Variants in PMS1 observed in about 807,000 individuals in gnomAD.
The protein encoded by PMS1 is PMS1 protein homolog 1.
Under a neutral mutation model 93.1 loss-of-function variants are expected in PMS1, and 79 were observed. The observed-to-expected ratio is 0.85, with a 90% CI of 0.71 to 1.02. PMS1 has a LOEUF of 1.02. PMS1 is among the 50% of genes least tolerant of loss of function. The pLI is 0.00. For missense variants in PMS1, 1,064 were observed against 1,085.3 expected (o/e 0.98, Z 0.28); for synonymous variants, 335 against 363.4 (o/e 0.92, Z 0.89).
At chr2:189,796,394 C>CATTTTAATT (rs1168652402) in intron 3 of PMS1, among the ~76,000 whole-genome samples, 1 of 152,088 alleles carries the variant, frequency 6.6e-6, no homozygotes, top group Non-Finnish European at 1.5e-5. Context: ...TAAAATGTAT[C>CATTTTAATT]ATTTTAATTA....
intron 3 of PMS1, 91 bp downstream of exon 3, chr2:189,796,042 A>G: frequency 1.0e-6 from 1 of 977,454 alleles, no homozygotes; most frequent in Non-Finnish European, 1.7e-6. Context: ...GTATGGTTTT[A>G]ATTATTTTTA....
intron 4 of PMS1, among the ~76,000 whole-genome samples, chr2:189,815,988 T>C (rs1383905844): frequency 6.6e-6 from 1 of 152,178 alleles, no homozygotes; most frequent in African/African-American, 2.4e-5. Context: ...ACTGCAGCCT[T>C]GAACTCCTGG....
At chr2:189,875,921 A>G (rs1329226383) in intron 12 of PMS1, among the ~76,000 whole-genome samples, 1 of 135,536 alleles carries the variant, frequency 7.4e-6, no homozygotes, top group Non-Finnish European at 1.5e-5. Flanking sequence ...CGCACACTGC[A>G]CTCCAGCCTG....
intron 2 of PMS1, 87 bp downstream of exon 2, chr2:189,792,028 T>C: frequency 8.6e-7 from 1 of 1,164,888 alleles, no homozygotes; most frequent in African/African-American, 1.5e-5. Context: ...ACCTTTATTT[T>C]ATTTCTTTAC....
intron 6 of PMS1, among the ~76,000 whole-genome samples, chr2:189,851,265 T>C (rs1014791913): frequency 1.3e-5 from 2 of 152,152 alleles, no homozygotes; most frequent in Admixed American, 1.3e-4. Flanking sequence ...ACTAGCAATA[T>C]TACATATTTC....
chr2:189,852,157 G>A (rs2054805567), intron 6 of PMS1, among the ~76,000 whole-genome samples: 1 of 151,770 alleles, frequency 6.6e-6, no homozygotes, highest in African/African-American at 2.4e-5. Flanking sequence ...TTAATACAGA[G>A]TAAAAGAGTT....
intron 3 of PMS1, among the ~76,000 whole-genome samples, chr2:189,803,905 TA>T (rs1343122493): frequency 6.6e-6 from 1 of 152,208 alleles, no homozygotes; most frequent in African/African-American, 2.4e-5. Context: ...TACTTTAACA[TA>T]AATGTTACAT....
At chr2:189,857,733 T>TA (rs2055503098) in intron 9 of PMS1, among the ~76,000 whole-genome samples, 1 of 152,044 alleles carries the variant, frequency 6.6e-6, no homozygotes, top group African/African-American at 2.4e-5. Context: ...ATGAATGGTG[T>TA]AGGCTAGTAA....
At position 189,820,401 on chromosome 2, in the gene PMS1, A is replaced by G. The variant is rs564658198; in HGVS notation, c.582+2221A>G. Among the ~76,000 whole-genome samples the G allele has an allele frequency of 1.7e-3, 256 of 152,060 alleles. 4 individuals carry two copies. The highest frequency in any genetic ancestry group is 5.9e-3 in the African/African-American group (245 of 41,482). ...CTCACTGCAGCCTTAGGCTCAAGCA[A>G]TCCCTTCCACCTCAGCCTCCTGAGT... On this transcript the variant is annotated intron_variant, in intron 5 of 12. Transcript: ENST00000441310.
chr2:189,862,337 T>A (rs942599505), intron 9 of PMS1, among the ~76,000 whole-genome samples: 1 of 152,216 alleles, frequency 6.6e-6, no homozygotes, highest in African/African-American at 2.4e-5. Context: ...ATTTTTTTTA[T>A]AATTTCCACT....
intron 9 of PMS1, chr2:189,855,954 A>G (rs1462691513): frequency 1.6e-5 from 9 of 570,004 alleles, no homozygotes; most frequent in Middle Eastern, 3.6e-4. Context: ...AATGTGTGGA[A>G]AAAATTTTAA....
chr2:189,818,366 C>G lies in PMS1; in HGVS notation c.582+186C>G, dbSNP rs569217153. On this transcript the variant is annotated intron_variant, in intron 5 of 12. Coordinates refer to ENST00000441310, the MANE Select transcript of PMS1 (RefSeq NM_000534.5). ...GGGCCTTTGAGGAGTGAAATTCATG[C>G]TCTTAAAATAAAGGAGACCTCAGAG... is the stretch of plus-strand genomic sequence containing the variant. Among the ~76,000 whole-genome samples, 23 of 152,216 alleles carry G rather than the reference C, an allele frequency of 1.5e-4. 1 individual carries two copies. In the South Asian group the frequency reaches 4.8e-3, roughly 32 times the overall value.
At chr2:189,809,164 C>T (rs929730767) in intron 4 of PMS1, among the ~76,000 whole-genome samples, 1 of 152,076 alleles carries the variant, frequency 6.6e-6, no homozygotes, top group African/African-American at 2.4e-5. Flanking sequence ...TAAGAATGGA[C>T]CTTTTATTCC....
chr2:189,853,308 G>A (rs1182835594), intron 7 of PMS1, among the ~76,000 whole-genome samples: 2 of 151,820 alleles, frequency 1.3e-5, no homozygotes, highest in East Asian at 1.9e-4. Context: ...CGCCCACCTC[G>A]GCCTCCCAAA....
chr2:189,860,669 G>A (rs929588364), intron 9 of PMS1, among the ~76,000 whole-genome samples: 1 of 151,924 alleles, frequency 6.6e-6, no homozygotes, highest in Admixed American at 6.6e-5. Flanking sequence ...TATATGTTCT[G>A]TCTTGACAAA....
chr2:189,858,807 G>A (rs923566216), intron 9 of PMS1, among the ~76,000 whole-genome samples: 4 of 152,032 alleles, frequency 2.6e-5, no homozygotes, highest in Non-Finnish European at 5.9e-5. Context: ...AGTAACCAAA[G>A]GAGCCATTTT....
At chr2:189,861,415 T>A (rs256568) in intron 9 of PMS1, among the ~76,000 whole-genome samples, 5 of 145,342 alleles carry the variant, frequency 3.4e-5, no homozygotes, top group Non-Finnish European at 5.9e-5. Context: ...TTTTTTTTTT[T>A]AATGATATAG....
At chr2:189,843,832 A>G (rs951834942) in intron 5 of PMS1, 132 bp from the exon 6 acceptor site, 2 of 766,332 alleles carry the variant, frequency 2.6e-6, no homozygotes, top group African/African-American at 3.5e-5. Flanking sequence ...CTCATAGCTC[A>G]TGAATCTCTT....
chr2:189,839,369 A>C (rs5743089), intron 5 of PMS1, among the ~76,000 whole-genome samples: 43 of 152,288 alleles, frequency 2.8e-4, no homozygotes, highest in Admixed American at 1.2e-3. Flanking sequence ...TCTTTTTCTA[A>C]TATCTATCTC....
Sources: allele counts gnomAD v4.1 joint callset (sites outside exome capture counted in the v4.1 genomes callset), GRCh38; gene constraint gnomAD v4.1.1; transcripts MANE v1.5; gene names NCBI Gene and HGNC (gene_info 2026-07-23, HGNC 2026-07-21).